NEB: variants seen among roughly 807,000 people sequenced by gnomAD.
NEB encodes nebulin, also known as nemaline myopathy type 2.
Under a neutral mutation model 952.2 loss-of-function variants are expected in NEB, and 512 were observed. The observed-to-expected ratio is 0.54, with a 90% CI of 0.50 to 0.58. NEB has a LOEUF of 0.58. NEB is among the 20% of genes least tolerant of loss of function. The pLI, the probability that NEB is intolerant of heterozygous loss-of-function variation, is 0.00. For synonymous variants in NEB, 2,900 were observed against 3,149.8 expected (o/e 0.92, Z 2.66); for missense variants, 8,428 against 9,231.1 (o/e 0.91, Z 3.56).
rs367652956 is a variant in NEB at position 151,538,718 on chromosome 2, T to TA, written c.20893-475dup. 3.7e-3 allele frequency among the ~76,000 whole-genome samples: 564 copies of TA among 152,322 alleles called. 5 individuals are homozygous for TA. The highest frequency in any genetic ancestry group is 0.013 in the African/African-American group (524 of 41,586). ...TGTACATGGAAAAGGGAAAAAGGTT[T>TA]AGCTTCTAACTCCTAGTATTAAAAT... is the stretch of plus-strand genomic sequence containing the variant. On this transcript the variant is annotated intron_variant, in intron 138 of 181. Transcript: ENST00000397345.
chr2:151,524,744 G>A, intron 151 of NEB, 128 bp from the exon 152 acceptor site: 2 of 714,390 alleles, frequency 2.8e-6, no homozygotes, highest in East Asian at 2.8e-5. Flanking sequence ...TCAGCTCACT[G>A]CAACTTCTGT....
chr2:151,725,062 G>T, intron 6 of NEB, 101 bp from the exon 7 acceptor site: 1 of 853,936 alleles, frequency 1.2e-6, no homozygotes, highest in Non-Finnish European at 1.9e-6. Flanking sequence ...ATGACTCTAG[G>T]TCTGCATCAC....
intron 74 of NEB, 35 bp from the exon 75 acceptor site, chr2:151,617,503 G>GAA: frequency 2.4e-6 from 3 of 1,227,386 alleles, no homozygotes; most frequent in East Asian, 2.6e-5. Flanking sequence ...GAGAGAGAGA[G>GAA]AAAAATTATT....
At chr2:151,676,206 A>C (rs1034657712) in intron 34 of NEB, among the ~76,000 whole-genome samples, 3 of 152,138 alleles carry the variant, frequency 2.0e-5, no homozygotes, top group Non-Finnish European at 4.4e-5. Flanking sequence ...CCAAATAATA[A>C]ATAATTTCTT....
In NEB at chr2:151,492,123, A is replaced by C. The variant is rs186981499; in HGVS notation, c.25032T>G (p.Asn8344Lys). 2 of 1,613,876 alleles carry C rather than the reference A, an allele frequency of 1.2e-6. No homozygotes were observed. The highest frequency in any genetic ancestry group is 8.5e-7 in the Non-Finnish European group (1 of 1,179,852). ...RKVVEMEQKR[N>K]DQDQETITGL... ...CTGTAATAGTCTCCTGATCTTGGTC[A>C]TTCCGTTTTTGTTCCATTTCTACCA... The change falls in exon 178 of 182, where the codon AAT becomes AAG. Residue 8344 changes from asparagine to lysine, a missense_variant. Coordinates refer to ENST00000397345, the MANE Select transcript of NEB (RefSeq NM_001164508.2).
chr2:151,661,677 C>T (rs1329312404), intron 46 of NEB, among the ~76,000 whole-genome samples: 1 of 152,170 alleles, frequency 6.6e-6, no homozygotes, highest in East Asian at 1.9e-4. Context: ...AACAACTGCC[C>T]TCAAGATTAC....
chr2:151,519,026 G>C lies in NEB; in HGVS notation c.22634C>G (p.Thr7545Ser). The C allele has an allele frequency of 6.2e-7, 1 of 1,613,734 alleles. No homozygotes were observed. Among genetic ancestry groups the C allele is most frequent in the South Asian group, 1.1e-5 (1 of 91,062 alleles). Residue 7545 changes from threonine to serine, a missense_variant, in exon 155 of 182, where the codon ACT becomes AGT. Physicochemically the swap from Thr to Ser is moderately conservative, Grantham distance 58. This residue lies in a region of NEB where 3,374 missense variants were observed against 3,651.5 expected (regional missense o/e 0.92). Transcript: ENST00000397345. ...CATGATCAGAGACTCCTTCATGTCA[G>C]TCACGGGTTTGTGAAGTTTCTTCAG... The part of the protein sequence containing the change: ...ADLKKLHKPV[T>S]DMKESLIMNH...
chr2:151,698,050 T>C (rs10930740), intron 13 of NEB, among the ~76,000 whole-genome samples: 103,671 of 151,494 alleles, frequency 0.68, 38,836 homozygotes, highest in Non-Finnish European at 0.83. Context: ...CGGGCGACAA[T>C]GCGAGACTCC....
chr2:151,664,376 G>A, intron 44 of NEB, 125 bp downstream of exon 44: 2 of 631,410 alleles, frequency 3.2e-6, no homozygotes, highest in African/African-American at 1.8e-5. Context: ...GAGGTGTCTT[G>A]TGTCACATGG....
At chr2:151,609,184 A>G (rs2097830731) in intron 81 of NEB, among the ~76,000 whole-genome samples, 1 of 148,632 alleles carries the variant, frequency 6.7e-6, no homozygotes, top group African/African-American at 2.4e-5. Context: ...CGAGAGTGAA[A>G]CTCCATTTCA....
chr2:151,648,889 A>C (rs966250220), intron 54 of NEB, among the ~76,000 whole-genome samples: 27 of 152,256 alleles, frequency 1.8e-4, no homozygotes, highest in African/African-American at 6.3e-4. Flanking sequence ...TCAGAAGGAG[A>C]GACTGCAAGC....
At chr2:151,673,203 G>A (rs2099321414) in intron 36 of NEB, among the ~76,000 whole-genome samples, 1 of 152,062 alleles carries the variant, frequency 6.6e-6, no homozygotes, top group Admixed American at 6.5e-5. Flanking sequence ...AAACCTAATG[G>A]AAAAAGTTCT....
At chr2:151,530,201 T>C (rs1256861474) in intron 145 of NEB, among the ~76,000 whole-genome samples, 1 of 152,156 alleles carries the variant, frequency 6.6e-6, no homozygotes, top group Non-Finnish European at 1.5e-5. Flanking sequence ...CTTTTAAAAA[T>C]ATATAGAACT....
intron 168 of NEB, among the ~76,000 whole-genome samples, chr2:151,500,430 A>G (rs1386325658): frequency 6.6e-6 from 1 of 152,092 alleles, no homozygotes; most frequent in East Asian, 1.9e-4. Flanking sequence ...TAATACACAA[A>G]TAATTTGTGT....
At chr2:151,527,131 C>G in intron 147 of NEB, 109 bp from the exon 148 acceptor site, 1 of 709,154 alleles carries the variant, frequency 1.4e-6, no homozygotes, top group South Asian at 1.9e-5. Flanking sequence ...CAAAGACTTG[C>G]TACCAGAATG....
intron 64 of NEB, among the ~76,000 whole-genome samples, chr2:151,635,937 A>G (rs920505568): frequency 4.0e-4 from 61 of 152,188 alleles, no homozygotes; most frequent in African/African-American, 1.4e-3. Context: ...TAATTCTTAC[A>G]TAAGCATCTC....
At chr2:151,664,681 T>A in intron 43 of NEB, 73 bp from the exon 44 acceptor site, 1 of 1,528,004 alleles carries the variant, frequency 6.5e-7, no homozygotes, top group Non-Finnish European at 8.9e-7. Flanking sequence ...TACAAAGTGG[T>A]TGGTATGTAG....
chr2:151,646,572 C>T (rs1478045564), intron 54 of NEB, among the ~76,000 whole-genome samples: 4 of 152,158 alleles, frequency 2.6e-5, no homozygotes, highest in Non-Finnish European at 2.9e-5. Flanking sequence ...TTAGAGGCAG[C>T]CCTTGCCTTT....
intron 54 of NEB, among the ~76,000 whole-genome samples, chr2:151,649,587 CCTT>C (rs2099006828): frequency 6.6e-6 from 1 of 152,026 alleles, no homozygotes; most frequent in African/African-American, 2.4e-5. Context: ...GTAATCTTTC[CCTT>C]CTTTGCATAT....
Sources: gnomAD v4.1 joint callset for allele counts (sites outside exome capture counted in the v4.1 genomes callset) on GRCh38, gnomAD v4.1.1 for gene constraint, gnomAD v4.1.1 regional missense constraint, MANE v1.5 for transcripts, NCBI Gene and HGNC (gene_info 2026-07-23, HGNC 2026-07-21) for gene names.